Variants in ZFHX4 observed in about 807,000 individuals in gnomAD.
ZFHX4 encodes zinc finger homeobox 4.
In ZFHX4, 56 loss-of-function variants were observed where a neutral mutation model predicts 267.6. The ratio of observed to expected loss-of-function variants is 0.21; its 90% CI spans 0.17 to 0.26. ZFHX4 has a LOEUF of 0.26. Among genes scored for constraint, ZFHX4 ranks in the 10% least tolerant of loss-of-function variants. The pLI is 1.00. For missense variants in ZFHX4, 4,332 were observed against 4,420.0 expected, an observed-to-expected ratio of 0.98 and a Z score of 0.56; for synonymous variants, 1,778 against 1,665.6, an observed-to-expected ratio of 1.07 and a Z score of -1.64.
chr8:76,838,825 T>G (rs953570122), intron 5 of ZFHX4, among the ~76,000 whole-genome samples: 6 of 151,878 alleles, frequency 4.0e-5, no homozygotes, highest in African/African-American at 1.5e-4. Context: ...AAAGGCTGAG[T>G]TGGCGGATCA....
intron 4 of ZFHX4, among the ~76,000 whole-genome samples, chr8:76,819,914 A>G (rs779321308): frequency 2.0e-5 from 3 of 152,234 alleles, no homozygotes; most frequent in Admixed American, 6.5e-5. Context: ...ATAGACTTCT[A>G]GAGTATTTAG....
intron 1 of ZFHX4, among the ~76,000 whole-genome samples, chr8:76,691,817 G>T (rs572959723): frequency 6.6e-6 from 1 of 152,012 alleles, no homozygotes; most frequent in African/African-American, 2.4e-5. Flanking sequence ...TAACTGATCC[G>T]TATGTTCCTT....
chr8:76,681,393 T>C lies in ZFHX4; in HGVS notation c.-274T>C. ...TCACAACCAAACAGCGAGACCGCGG[T>C]CGGCACATGCTTTAACTCCTCCCGG... On this transcript the variant is annotated 5_prime_UTR_variant, in exon 1 of 11. Transcript: ENST00000651372. 1 of 398,934 alleles carries C rather than the reference T, an allele frequency of 2.5e-6. No homozygotes were observed. The highest frequency in any genetic ancestry group is 4.4e-6 in the Non-Finnish European group (1 of 226,070). 24.7% of individuals were successfully genotyped at this position (398,934 alleles called of 1,614,324 possible).
At chr8:76,744,409 C>G (rs1809402521) in intron 3 of ZFHX4, among the ~76,000 whole-genome samples, 1 of 151,726 alleles carries the variant, frequency 6.6e-6, no homozygotes, top group Non-Finnish European at 1.5e-5. Flanking sequence ...GCCATACTTT[C>G]TTTTTTCTTA....
At position 76,863,167 on chromosome 8, in the gene ZFHX4, C is replaced by T; in HGVS notation, c.9453C>T (p.Ser3151=). Residue 3151 remains serine, a synonymous_variant, in exon 11 of 11, where the codon AGC becomes AGT. Coordinates refer to ENST00000651372, the MANE Select transcript of ZFHX4 (RefSeq NM_024721.5). The part of the protein sequence containing the change: ...SATSSPALSL[S]SAPTKPLLQT... ...CTTCGTCTCCTGCCCTGTCTCTCAG[C>T]AGTGCCCCCACCAAACCTTTGCTGC... is the stretch of plus-strand genomic sequence containing the variant. The T allele has an allele frequency of 6.4e-7, 1 of 1,554,140 alleles. No individual in the cohort carries two copies. Among genetic ancestry groups the T allele is most frequent in the Non-Finnish European group, 8.7e-7 (1 of 1,148,376 alleles).
At chr8:76,758,860 C>A (rs909019064) in intron 3 of ZFHX4, among the ~76,000 whole-genome samples, 2 of 152,104 alleles carry the variant, frequency 1.3e-5, no homozygotes, top group African/African-American at 2.4e-5. Context: ...AGGTCTGTGG[C>A]ACCTTCATTG....
chr8:76,730,448 C>T (rs1466692918), intron 3 of ZFHX4, among the ~76,000 whole-genome samples: 1 of 152,140 alleles, frequency 6.6e-6, no homozygotes, highest in Non-Finnish European at 1.5e-5. Flanking sequence ...TGCCTGTAAT[C>T]CTAGCACTTT....
chr8:76,808,929 TCTCTCA>T (rs1199583298), intron 4 of ZFHX4, among the ~76,000 whole-genome samples: 57 of 151,176 alleles, frequency 3.8e-4, no homozygotes, highest in African/African-American at 1.2e-3. Context: ...TCTCTCTCTC[TCTCTCA>T]CACACACACA....
Position 76,705,726 on chromosome 8 carries a change from C to T in ZFHX4, c.1638C>T (p.Gly546=), listed in dbSNP as rs776156117. The part of the protein sequence containing the change: ...KKQTAAVRAS[G]SVASNYGISG... ...AGACTGCTGCTGTTAGGGCCAGTGG[C>T]AGTGTTGCTAGTAACTATGGCATCA... Residue 546 remains glycine, a synonymous_variant, in exon 2 of 11, where the codon GGC becomes GGT. Coordinates refer to ENST00000651372, the MANE Select transcript of ZFHX4 (RefSeq NM_024721.5). 1 of 1,614,018 alleles carries T rather than the reference C, an allele frequency of 6.2e-7. No individual in the cohort carries two copies. Among genetic ancestry groups the T allele is most frequent in the Admixed American group, 1.7e-5 (1 of 60,012 alleles).
At chr8:76,812,363 A>T (rs1243796976) in intron 4 of ZFHX4, among the ~76,000 whole-genome samples, 1 of 152,242 alleles carries the variant, frequency 6.6e-6, no homozygotes, top group Non-Finnish European at 1.5e-5. Context: ...GGTGAAACTC[A>T]TGAAACTTTT....
In ZFHX4 at chr8:76,864,587, C is replaced by T. The variant is rs2131986442; in HGVS notation, c.*22C>T. On this transcript the variant is annotated 3_prime_UTR_variant, in exon 11 of 11. Transcript: ENST00000651372. ...GTAGGAGTGAAGACAGGATCCCGTGCTTAAAAAAATAAAAAATAAAAAAAT... is the reference window on the plus strand; with the variant it reads ...GTAGGAGTGAAGACAGGATCCCGTGTTTAAAAAAATAAAAAATAAAAAAAT... 1 of 1,350,186 alleles carries T rather than the reference C, an allele frequency of 7.4e-7. No homozygotes were observed. The highest frequency in any genetic ancestry group is 2.6e-5 in the East Asian group (1 of 37,852). The allele number at this position is 1,350,186 out of a possible 1,614,324, so 83.6% of individuals were successfully genotyped here.
chr8:76,734,303 A>G lies in ZFHX4; in HGVS notation c.3093+26255A>G, dbSNP rs1448990860. Among the ~76,000 whole-genome samples the G allele has an allele frequency of 2.6e-5, 4 of 152,196 alleles. No homozygotes were observed. In the East Asian group the frequency reaches 5.8e-4, roughly 22 times the overall value. ...TTAAGCTGACAATGCATTCTGCACC[A>G]GTGAGGCCGTGAAAACAAACAAAAA... On this transcript the variant is annotated intron_variant, in intron 3 of 10. Coordinates refer to ENST00000651372, the MANE Select transcript of ZFHX4 (RefSeq NM_024721.5).
rs917277948 is a variant in ZFHX4 at position 76,681,315 on chromosome 8, C to G, written c.-352C>G. 1.5e-5 allele frequency: 6 copies of G among 398,584 alleles called. No individual in the cohort carries two copies. The highest frequency in any genetic ancestry group is 2.7e-5 in the Non-Finnish European group (6 of 225,948). 24.7% of individuals were successfully genotyped at this position (398,584 alleles called of 1,614,324 possible). A position where few individuals can be genotyped will look rare whatever the true frequency, so the allele number is the denominator to read the frequency against. ...ACAGGGCTAAAACGATAATAATTAG[C>G]AGAATAAAGACATATCGGATTTTCA... On this transcript the variant is annotated 5_prime_UTR_variant, in exon 1 of 11. Transcript: ENST00000651372.
intron 1 of ZFHX4, among the ~76,000 whole-genome samples, chr8:76,687,478 T>C (rs1241211515): frequency 6.6e-6 from 1 of 152,216 alleles, no homozygotes; most frequent in Non-Finnish European, 1.5e-5. Flanking sequence ...TCCAGCTACA[T>C]TCTTTCATAA....
intron 3 of ZFHX4, among the ~76,000 whole-genome samples, chr8:76,738,535 T>C (rs1208923608): frequency 1.3e-5 from 2 of 152,148 alleles, no homozygotes; most frequent in African/African-American, 4.8e-5. Flanking sequence ...TCATTGTCTA[T>C]CCATATTTCT....
At chr8:76,710,327 G>A (rs1249962371) in intron 3 of ZFHX4, among the ~76,000 whole-genome samples, 1 of 152,090 alleles carries the variant, frequency 6.6e-6, no homozygotes, top group East Asian at 1.9e-4. Flanking sequence ...TTGTGTTGAG[G>A]ATTCCACCTC....
chr8:76,718,059 C>T (rs1346298677), intron 3 of ZFHX4, among the ~76,000 whole-genome samples: 1 of 152,094 alleles, frequency 6.6e-6, no homozygotes, highest in African/African-American at 2.4e-5. Context: ...GTCTAATTGC[C>T]GACACCTCTG....
intron 3 of ZFHX4, among the ~76,000 whole-genome samples, chr8:76,765,261 C>T (rs1204647217): frequency 6.6e-6 from 1 of 152,046 alleles, no homozygotes; most frequent in African/African-American, 2.4e-5. Context: ...ATAATAAATC[C>T]TTGTGCAAAG....
At chr8:76,700,297 T>C (rs528818628) in intron 1 of ZFHX4, among the ~76,000 whole-genome samples, 1 of 152,212 alleles carries the variant, frequency 6.6e-6, no homozygotes, top group South Asian at 2.1e-4. Flanking sequence ...TCCCAGCACT[T>C]AGCAGAGTGG....
Sources: gnomAD v4.1 joint callset for allele counts (sites outside exome capture counted in the v4.1 genomes callset) on GRCh38, gnomAD v4.1.1 for gene constraint, MANE v1.5 for transcripts, NCBI Gene and HGNC (gene_info 2026-07-23, HGNC 2026-07-21) for gene names.